EDNRB: variants seen among roughly 807,000 people sequenced by gnomAD.
EDNRB encodes the protein endothelin receptor type B.
In EDNRB, 18 loss-of-function variants were observed where a neutral mutation model predicts 46.4. The observed-to-expected ratio is 0.39, with a 90% confidence interval of 0.27 to 0.57. EDNRB has a LOEUF of 0.57. Ranked by LOEUF, EDNRB falls within the 20% of genes least tolerant of loss-of-function variation. EDNRB has a pLI of 0.61. For synonymous variants in EDNRB, 213 were observed against 204.9 expected, an observed-to-expected ratio of 1.04 and a Z score of -0.34; for missense variants, 434 against 537.5, an observed-to-expected ratio of 0.81 and a Z score of 1.90.
At chr13:77,934,018 A>G (rs1880478247) in intron 1 of EDNRB, among the ~76,000 whole-genome samples, 1 of 152,250 alleles carries the variant, frequency 6.6e-6, no homozygotes, top group South Asian at 2.1e-4. Context: ...TAGCCTTGCC[A>G]GCAAAGATTA....
intron 4 of EDNRB, among the ~76,000 whole-genome samples, 171 bp downstream of exon 4, chr13:77,900,887 C>A (rs555515280): frequency 3.9e-4 from 59 of 151,758 alleles, no homozygotes; most frequent in Non-Finnish European, 6.3e-4. Context: ...TAGAATATCT[C>A]CAAATAAATA....
chr13:77,956,915 A>G (rs1365435822), intron 1 of EDNRB, among the ~76,000 whole-genome samples: 3 of 152,228 alleles, frequency 2.0e-5, no homozygotes, highest in Non-Finnish European at 4.4e-5. Context: ...CAGATAATTC[A>G]GTATAATCTG....
At chr13:77,935,083 A>C (rs941783764) in intron 1 of EDNRB, among the ~76,000 whole-genome samples, 65 of 152,062 alleles carry the variant, frequency 4.3e-4, no homozygotes, top group South Asian at 1.2e-3. Flanking sequence ...GGGGAGCAGA[A>C]AGTATATGTG....
intron 1 of EDNRB, among the ~76,000 whole-genome samples, chr13:77,906,775 T>C (rs1158872598): frequency 1.3e-5 from 2 of 152,010 alleles, no homozygotes; most frequent in Non-Finnish European, 2.9e-5. Flanking sequence ...CACTCCTTAA[T>C]TGCCAAACCA....
In EDNRB at chr13:77,918,047, C is replaced by T. The variant is rs200297081; in HGVS notation, c.483+44G>A. On this transcript the variant is annotated intron_variant, in intron 1 of 6. Transcript: ENST00000646607. This position sits in a 1 kb window ranked among gnomAD's most constrained non-coding sequence, Gnocchi z 4.5. ...TCTCATCTCCCCGTCTCCAACCAGGCCCCCTTCCTCAAGCCCACCATGATT... is the reference window on the plus strand; with the variant it reads ...TCTCATCTCCCCGTCTCCAACCAGGTCCCCTTCCTCAAGCCCACCATGATT... The T allele has an allele frequency of 9.3e-6, 15 of 1,613,084 alleles. No individual in the cohort carries two copies. The highest frequency in any genetic ancestry group is 2.2e-5 in the East Asian group (1 of 44,880).
At chr13:77,928,997 T>C (rs963200614) in intron 1 of EDNRB, among the ~76,000 whole-genome samples, 1 of 152,226 alleles carries the variant, frequency 6.6e-6, no homozygotes, top group Non-Finnish European at 1.5e-5. Flanking sequence ...CATTTTCAGT[T>C]GAGAAACTCA....
At chr13:77,917,410 C>CT (rs903450352) in intron 1 of EDNRB, among the ~76,000 whole-genome samples, 1 of 152,170 alleles carries the variant, frequency 6.6e-6, no homozygotes, top group Non-Finnish European at 1.5e-5. Flanking sequence ...GTCTGGATCT[C>CT]TTTTTTCCAG....
At chr13:77,916,893 C>T (rs12720173) in intron 1 of EDNRB, among the ~76,000 whole-genome samples, 2,209 of 149,404 alleles carry the variant, frequency 0.015, 46 homozygotes, top group East Asian at 0.028. Flanking sequence ...TTGAAATTTT[C>T]CAACTGTTTT....
At chr13:77,934,680 G>GC (rs1491569200) in intron 1 of EDNRB, among the ~76,000 whole-genome samples, 1 of 23,016 alleles carries the variant, frequency 4.3e-5, no homozygotes, top group Non-Finnish European at 6.2e-5. Context: ...GTGTAGGAAA[G>GC]GGGGGGGGGG....
intron 1 of EDNRB, chr13:77,939,637 T>C (rs1452275688): frequency 6.6e-6 from 1 of 152,212 alleles, no homozygotes; most frequent in African/African-American, 2.4e-5. Flanking sequence ...TTGTAAGCAC[T>C]CAACGAAAAT....
chr13:77,966,754 A>G (rs12100353), intron 1 of EDNRB, among the ~76,000 whole-genome samples: 30,560 of 152,056 alleles, frequency 0.2, 3,582 homozygotes, highest in East Asian at 0.54. Flanking sequence ...TTGCAGAAGT[A>G]AAAATTTTTT....
chr13:77,972,279 A>C (rs530511830), intron 1 of EDNRB, among the ~76,000 whole-genome samples: 2 of 152,238 alleles, frequency 1.3e-5, no homozygotes. Context: ...TGCCATGTGC[A>C]CAAGCATAAC....
At position 77,918,370 on chromosome 13, in the gene EDNRB, A is replaced by G. The variant is rs1265531554; in HGVS notation, c.204T>C (p.Pro68=). ...TCCTGTCTCCTTTAGGCACCTCCGC[A>G]GGTGCCAACGACCGCGCCAGACTGG... is the stretch of plus-strand genomic sequence containing the variant. The part of the protein sequence containing the change: ...SNASLARSLA[P]AEVPKGDRTA... Residue 68 remains proline, a synonymous_variant, in exon 1 of 7, where the codon CCT becomes CCC. Coordinates refer to ENST00000646607, the MANE Select transcript of EDNRB (RefSeq NM_001122659.3). This position sits in a 1 kb window ranked among gnomAD's most constrained non-coding sequence, Gnocchi z 4.5. 6.5e-7 allele frequency: 1 copy of G among 1,539,668 alleles called. No homozygotes were observed. The highest frequency in any genetic ancestry group is 2.5e-5 in the East Asian group (1 of 39,270).
chr13:77,923,728 A>G (rs1229657363), upstream of EDNRB, among the ~76,000 whole-genome samples: 4 of 152,138 alleles, frequency 2.6e-5, no homozygotes, highest in Admixed American at 2.6e-4. Context: ...AAGCAAAAAG[A>G]AAGAGAAACT....
intron 1 of EDNRB, among the ~76,000 whole-genome samples, chr13:77,969,335 A>G (rs1377674266): frequency 2.0e-5 from 3 of 152,188 alleles, no homozygotes; most frequent in African/African-American, 4.8e-5. Flanking sequence ...TGCAAAGACC[A>G]TTTGTTTTTT....
At chr13:77,933,432 G>A in intron 1 of EDNRB, among the ~76,000 whole-genome samples, 1 of 152,140 alleles carries the variant, frequency 6.6e-6, no homozygotes, top group East Asian at 1.9e-4. Flanking sequence ...GTCACAAGGT[G>A]CTCAGTAGGG....
intron 1 of EDNRB, among the ~76,000 whole-genome samples, chr13:77,926,285 A>G (rs1202989147): frequency 7.9e-5 from 12 of 152,134 alleles, no homozygotes; most frequent in African/African-American, 2.9e-4. Context: ...TTTCTTTTCT[A>G]TTGCATCGTC....
chr13:77,934,289 T>C (rs149841618), intron 1 of EDNRB, among the ~76,000 whole-genome samples: 1,852 of 152,324 alleles, frequency 0.012, 17 homozygotes, highest in Non-Finnish European at 0.018. Context: ...TGTGCAGTCC[T>C]TTTTAAGTTG....
chr13:77,974,618 C>CTCTCTTTCTG (rs147921441), intron 1 of EDNRB, among the ~76,000 whole-genome samples: 3 of 65,232 alleles, frequency 4.6e-5, no homozygotes, highest in Non-Finnish European at 1.5e-4. Flanking sequence ...CTCTCTGCCT[C>CTCTCTTTCTG]TCTCTCTCTC....
Sources: gnomAD v4.1 joint callset for allele counts (sites outside exome capture counted in the v4.1 genomes callset) on GRCh38, gnomAD v4.1.1 for gene constraint, Gnocchi (gnomAD v3.1) non-coding constraint, MANE v1.5 for transcripts, NCBI Gene and HGNC (gene_info 2026-07-23, HGNC 2026-07-21) for gene names.